Variants in ATP8A1 observed in about 807,000 individuals in gnomAD.
ATP8A1 encodes phospholipid-transporting ATPase IA.
Under a neutral mutation model 177.7 loss-of-function variants are expected in ATP8A1, and 90 were observed. That is an observed-to-expected ratio of 0.51 (90% CI 0.43 to 0.60). ATP8A1 has a LOEUF of 0.60. ATP8A1 is among the 20% of genes least tolerant of loss of function. ATP8A1 has a pLI of 0.00. For missense variants in ATP8A1, 1,072 were observed against 1,392.8 expected (o/e 0.77, Z 3.67); for synonymous variants, 493 against 485.9 (o/e 1.01, Z -0.19).
At chr4:42,574,822 G>A (rs1237795323) in intron 13 of ATP8A1, 115 bp from the exon 14 acceptor site, 1 of 657,226 alleles carries the variant, frequency 1.5e-6, no homozygotes, top group Non-Finnish European at 2.5e-6. Context: ...ATATTACTAA[G>A]GAACTATTTT....
intron 21 of ATP8A1, among the ~76,000 whole-genome samples, chr4:42,523,864 C>T (rs1375854659): frequency 6.6e-6 from 1 of 152,092 alleles, no homozygotes; most frequent in Non-Finnish European, 1.5e-5. Context: ...TTTCAAAAGC[C>T]ATCTTTTTTT....
At chr4:42,421,701 T>C (rs1053645931) in intron 35 of ATP8A1, among the ~76,000 whole-genome samples, 14 of 152,120 alleles carry the variant, frequency 9.2e-5, no homozygotes, top group Non-Finnish European at 1.8e-4. Context: ...AACTACTCCA[T>C]TGTGTCAAAA....
In ATP8A1 at chr4:42,510,705, T is replaced by G. The variant is rs184156852; in HGVS notation, c.1948-3551A>C. Among the ~76,000 whole-genome samples the G allele has an allele frequency of 4.6e-4, 70 of 152,256 alleles. No homozygotes were observed. The Middle Eastern group carries it at 0.01, about 22-fold the overall frequency. On this transcript the variant is annotated intron_variant, in intron 22 of 36. Coordinates refer to ENST00000381668, the MANE Select transcript of ATP8A1 (RefSeq NM_006095.2). ...AAATATTTTGTATATTTTCTGTCTC[T>G]ACTCTAAGGGGAAAAATGAGCTCAG...
At chr4:42,594,288 C>G in intron 6 of ATP8A1, 1 of 1,583,028 alleles carries the variant, frequency 6.3e-7, no homozygotes, top group Non-Finnish European at 8.7e-7. Flanking sequence ...GGCATCTCTA[C>G]CTTGATGAGA....
At chr4:42,561,942 A>T (rs1730880308) in intron 15 of ATP8A1, 1 of 152,212 alleles carries the variant, frequency 6.6e-6, no homozygotes, top group South Asian at 2.1e-4. Flanking sequence ...ACCTGAAGGT[A>T]TTATAATGAT....
intron 20 of ATP8A1, among the ~76,000 whole-genome samples, chr4:42,537,200 A>G (rs1386779516): frequency 6.6e-6 from 1 of 152,058 alleles, no homozygotes; most frequent in African/African-American, 2.4e-5. Flanking sequence ...CAGAAAAGGC[A>G]TTTGACAAAA....
intron 17 of ATP8A1, among the ~76,000 whole-genome samples, chr4:42,551,896 T>C (rs1457255337): frequency 6.6e-6 from 1 of 152,160 alleles, no homozygotes; most frequent in East Asian, 1.9e-4. Context: ...TAGAATGCAG[T>C]TTAAAACACT....
chr4:42,515,849 T>C (rs1386375214), intron 22 of ATP8A1, among the ~76,000 whole-genome samples: 3 of 152,250 alleles, frequency 2.0e-5, no homozygotes. Context: ...CTCACATTTA[T>C]ATATCAAGTA....
At chr4:42,509,485 ATGTC>A (rs1724773853) in intron 22 of ATP8A1, among the ~76,000 whole-genome samples, 1 of 152,204 alleles carries the variant, frequency 6.6e-6, no homozygotes, top group Non-Finnish European at 1.5e-5. Flanking sequence ...ATGAGTATGT[ATGTC>A]TAAGTAGATA....
intron 5 of ATP8A1, among the ~76,000 whole-genome samples, chr4:42,612,031 C>T (rs1212944049): frequency 6.6e-6 from 1 of 152,078 alleles, no homozygotes; most frequent in Non-Finnish European, 1.5e-5. Flanking sequence ...TGAAAGGGAT[C>T]AGTAGACAAA....
intron 35 of ATP8A1, 189 bp from the exon 36 acceptor site, chr4:42,414,907 GC>G: frequency 1.8e-6 from 1 of 563,482 alleles, no homozygotes; most frequent in Non-Finnish European, 3.2e-6. Context: ...GACTTTTGAG[GC>G]CATTTTCTCC....
In ATP8A1 at chr4:42,452,117, T is replaced by C. The variant is rs1577960229; in HGVS notation, c.2818-58A>G. The C allele has an allele frequency of 2.4e-5, 29 of 1,222,872 alleles. No homozygotes were observed. The East Asian group carries it at 6.6e-4, about 28-fold the overall frequency. The allele number at this position is 1,222,872 out of a possible 1,614,324, so 75.8% of individuals were successfully genotyped here. A position where few individuals can be genotyped will look rare whatever the true frequency, so the allele number is the denominator to read the frequency against. On this transcript the variant is annotated intron_variant, in intron 29 of 36. Transcript: ENST00000381668. The stretch of plus-strand genomic sequence containing the variant: ...TGCGATAAACTAGCTCTGTGAACTC[T>C]GACCTTTCTTTTTATCTATGAGCTA...
intron 13 of ATP8A1, among the ~76,000 whole-genome samples, chr4:42,575,148 G>A (rs1459084343): frequency 6.6e-6 from 1 of 152,202 alleles, no homozygotes; most frequent in Non-Finnish European, 1.5e-5. Context: ...TAAAGCATAA[G>A]TTGGAATATG....
intron 22 of ATP8A1, among the ~76,000 whole-genome samples, chr4:42,520,009 G>A (rs555869960): frequency 2.6e-5 from 4 of 152,198 alleles, no homozygotes; most frequent in Admixed American, 2.0e-4. Context: ...GCTCATGATC[G>A]CCATCTGCTG....
intron 5 of ATP8A1, among the ~76,000 whole-genome samples, chr4:42,615,417 G>A (rs1736799945): frequency 6.6e-6 from 1 of 151,914 alleles, no homozygotes; most frequent in Admixed American, 6.6e-5. Flanking sequence ...TCAGAGATGA[G>A]CTAAGATGTC....
Position 42,574,698 on chromosome 4 carries a change from T to C in ATP8A1, c.1216A>G (p.Ile406Val), listed in dbSNP as rs764017338. ...LNEELGQVKY[I>V]FSDKTGTLTC... is the part of the protein sequence containing the mutation. ...AGAGTACCAGTTTTGTCAGAAAATA[T>C]GTATTTAACCTAAAAAAGTTTAAAA... The change falls in exon 14 of 37, where the codon ATA becomes GTA. Residue 406 changes from isoleucine to valine, a missense_variant. Ile to Val is a conservative substitution (Grantham distance 29, BLOSUM62 3). Transcript: ENST00000381668. The C allele has an allele frequency of 3.1e-6, 5 of 1,604,432 alleles. No homozygotes were observed. Among genetic ancestry groups the C allele is most frequent in the South Asian group, 2.3e-5 (2 of 88,218 alleles).
At chr4:42,425,140 G>C (rs533084386) in intron 33 of ATP8A1, among the ~76,000 whole-genome samples, 2 of 152,168 alleles carry the variant, frequency 1.3e-5, no homozygotes, top group Admixed American at 6.5e-5. Context: ...TCTCCTTCTG[G>C]GGGGAAAGGT....
chr4:42,620,767 T>A (rs1737389946), intron 4 of ATP8A1, among the ~76,000 whole-genome samples: 1 of 152,200 alleles, frequency 6.6e-6, no homozygotes, highest in South Asian at 2.1e-4. Flanking sequence ...ATAGAGTAAG[T>A]ACAACCTAGA....
intron 29 of ATP8A1, 129 bp from the exon 30 acceptor site, chr4:42,452,188 G>A (rs956528224): frequency 4.0e-5 from 22 of 551,674 alleles, no homozygotes; most frequent in Non-Finnish European, 6.2e-5. Context: ...TGAATTAATA[G>A]AACTGACAGA....
Sources: allele counts gnomAD v4.1 joint callset (sites outside exome capture counted in the v4.1 genomes callset), GRCh38; gene constraint gnomAD v4.1.1; transcripts MANE v1.5; gene names NCBI Gene and HGNC (gene_info 2026-07-23, HGNC 2026-07-21).